RHBDD1: variants seen among roughly 807,000 people sequenced by gnomAD.
RHBDD1 encodes rhomboid-related protein 4.
RHBDD1 carries 38 observed loss-of-function variants against 36.3 expected under a neutral mutation model. That is an observed-to-expected ratio of 1.05 (90% CI 0.81 to 1.37). RHBDD1 has a LOEUF of 1.37. RHBDD1 is among the 40% of genes most tolerant of loss of function. RHBDD1 has a pLI of 0.00. For missense variants in RHBDD1, 393 were observed against 377.6 expected, an observed-to-expected ratio of 1.04 and a Z score of -0.34; for synonymous variants, 151 against 136.5, an observed-to-expected ratio of 1.11 and a Z score of -0.74.
At chr2:226,903,873 C>T (rs189367608) in intron 5 of RHBDD1, among the ~76,000 whole-genome samples, 9 of 152,248 alleles carry the variant, frequency 5.9e-5, no homozygotes, top group Non-Finnish European at 1.2e-4. Context: ...AATAGCAGAA[C>T]GGCGCAACAG....
chr2:226,920,945 T>G (rs1201587061), intron 8 of RHBDD1, among the ~76,000 whole-genome samples: 1 of 152,126 alleles, frequency 6.6e-6, no homozygotes, highest in Non-Finnish European at 1.5e-5. Flanking sequence ...ATTCATTCCT[T>G]TTTAAATGTT....
chr2:226,880,230 T>TAG (rs1161379953), intron 5 of RHBDD1, among the ~76,000 whole-genome samples: 1 of 152,200 alleles, frequency 6.6e-6, no homozygotes, highest in African/African-American at 2.4e-5. Flanking sequence ...CCTGGCTTGC[T>TAG]AGAGTTCAGT....
chr2:226,995,702 G>C lies in RHBDD1; in HGVS notation c.*180G>C. On this transcript the variant is annotated 3_prime_UTR_variant, in exon 9 of 9. Transcript: ENST00000392062. ...CCCTATGAGTCAACTCACAGCTTGC[G>C]GGGAGTGGGCCTTCTCCTGGCCTTG... 1.7e-6 allele frequency: 1 copy of C among 602,580 alleles called. No homozygotes were observed. Among genetic ancestry groups the C allele is most frequent in the East Asian group, 2.8e-5 (1 of 35,684 alleles). The allele number at this position is 602,580 out of a possible 1,614,324, so 37.3% of individuals were successfully genotyped here. A position where few individuals can be genotyped will look rare whatever the true frequency, so the allele number is the denominator to read the frequency against.
At chr2:226,958,529 G>A (rs1419034166) in intron 8 of RHBDD1, among the ~76,000 whole-genome samples, 2 of 152,166 alleles carry the variant, frequency 1.3e-5, no homozygotes, top group Non-Finnish European at 2.9e-5. Context: ...CTCTAAGTAG[G>A]CGAATTGTGT....
intron 5 of RHBDD1, among the ~76,000 whole-genome samples, chr2:226,893,594 A>C (rs1364253309): frequency 6.6e-6 from 1 of 152,242 alleles, no homozygotes; most frequent in African/African-American, 2.4e-5. Context: ...GAAAAGAAAT[A>C]GTTTCGAAGC....
chr2:226,888,492 A>G (rs1946415432), intron 5 of RHBDD1, among the ~76,000 whole-genome samples: 2 of 152,142 alleles, frequency 1.3e-5, no homozygotes, highest in Non-Finnish European at 2.9e-5. Context: ...CCTGTAAAAA[A>G]GGTCTAGAGT....
intron 5 of RHBDD1, chr2:226,867,828 C>T (rs1944467150): frequency 5.1e-6 from 1 of 194,676 alleles, no homozygotes; most frequent in African/African-American, 2.4e-5. Context: ...AAGCAATTCT[C>T]CTGCCTCAGC....
At chr2:226,973,613 T>C (rs985195120) in intron 8 of RHBDD1, among the ~76,000 whole-genome samples, 1 of 152,164 alleles carries the variant, frequency 6.6e-6, no homozygotes, top group Non-Finnish European at 1.5e-5. Flanking sequence ...CTCTCTAACA[T>C]TTTATGTTTG....
chr2:226,803,226 T>G, the RHBDD1 span, among the ~76,000 whole-genome samples: 1 of 152,140 alleles, frequency 6.6e-6, no homozygotes, highest in South Asian at 2.1e-4. Flanking sequence ...TGCAAGGCAA[T>G]ATGAAATAGA....
At position 226,864,769 on chromosome 2, in the gene RHBDD1, A is replaced by G. The variant is rs1944180623; in HGVS notation, c.76A>G (p.Asn26Asp). 1 of 1,614,192 alleles carries G rather than the reference A, an allele frequency of 6.2e-7. No individual in the cohort carries two copies. Among genetic ancestry groups the G allele is most frequent in the African/African-American group, 1.3e-5 (1 of 75,044 alleles). Residue 26 changes from asparagine (N) to aspartate (D), a missense_variant, in exon 4 of 9, where the codon AAT becomes GAT. Transcript: ENST00000392062. ...TCAAATCTTCCATGTTGGGATCAAC[A>G]ATATTCCACCTGTCACCCTAGCAAC... The part of the protein sequence containing the change: ...LSQIFHVGIN[N>D]IPPVTLATLA...
intron 5 of RHBDD1, among the ~76,000 whole-genome samples, chr2:226,897,204 C>T (rs1947165424): frequency 6.6e-6 from 1 of 152,188 alleles, no homozygotes; most frequent in African/African-American, 2.4e-5. Context: ...ATGCTAGCTC[C>T]AGATCCTGCA....
intron 3 of RHBDD1, among the ~76,000 whole-genome samples, chr2:226,861,567 G>A (rs1005644096): frequency 6.6e-6 from 1 of 152,154 alleles, no homozygotes; most frequent in Non-Finnish European, 1.5e-5. Flanking sequence ...GCTACATAAA[G>A]CCCAGCATCA....
chr2:226,952,795 GAAGA>G (rs933817297), intron 8 of RHBDD1, among the ~76,000 whole-genome samples: 51 of 152,250 alleles, frequency 3.3e-4, no homozygotes, highest in Middle Eastern at 3.4e-3. Flanking sequence ...TGGTCAAATG[GAAGA>G]AAGAGAGACA....
chr2:226,986,675 G>C (rs913003832), intron 8 of RHBDD1, among the ~76,000 whole-genome samples: 5 of 152,232 alleles, frequency 3.3e-5, no homozygotes, highest in Non-Finnish European at 4.4e-5. Context: ...AAAAAGTCAG[G>C]AAACAACAGA....
At chr2:226,840,906 A>G (rs1157819616) in intron 3 of RHBDD1, among the ~76,000 whole-genome samples, 1 of 151,986 alleles carries the variant, frequency 6.6e-6, no homozygotes, top group African/African-American at 2.4e-5. Flanking sequence ...TTAAGTAAAA[A>G]GTCTCTTGGG....
chr2:226,907,898 A>G lies in RHBDD1; in HGVS notation c.656-924A>G, dbSNP rs142469919. 7.2e-5 allele frequency among the ~76,000 whole-genome samples: 11 copies of G among 152,218 alleles called. No individual in the cohort carries two copies. The East Asian group carries it at 2.1e-3, about 29-fold the overall frequency. ...TTTTCAATACAATTTAATACTCATT[A>G]GTACTGATAAAAGAGATGATTCTCG... On this transcript the variant is annotated intron_variant, in intron 6 of 8. Transcript: ENST00000392062.
At chr2:226,842,238 TTGTC>T (rs1941721026) in intron 3 of RHBDD1, among the ~76,000 whole-genome samples, 1 of 152,288 alleles carries the variant, frequency 6.6e-6, no homozygotes, top group South Asian at 2.1e-4. Context: ...ATTCTGTAGG[TTGTC>T]TGTTCACTCT....
At chr2:226,849,382 G>T (rs1217372090) in intron 3 of RHBDD1, among the ~76,000 whole-genome samples, 1 of 152,254 alleles carries the variant, frequency 6.6e-6, no homozygotes, top group Non-Finnish European at 1.5e-5. Flanking sequence ...GGAGGTTAGT[G>T]AGCACTGGCA....
At chr2:226,866,892 A>G (rs952273210) in intron 4 of RHBDD1, among the ~76,000 whole-genome samples, 15 of 152,224 alleles carry the variant, frequency 9.9e-5, no homozygotes, top group African/African-American at 3.6e-4. Context: ...TGTAGTGCAC[A>G]GTTCACTGGC....
Sources: gnomAD v4.1 joint callset for allele counts (sites outside exome capture counted in the v4.1 genomes callset) on GRCh38, gnomAD v4.1.1 for gene constraint, MANE v1.5 for transcripts, NCBI Gene and HGNC (gene_info 2026-07-23, HGNC 2026-07-21) for gene names.